Variants in CES5A observed in about 807,000 individuals in gnomAD.
CES5A encodes the protein carboxylesterase 5A.
In CES5A, 67 loss-of-function variants were observed where a neutral mutation model predicts 62.9. The ratio of observed to expected loss-of-function variants is 1.07; its 90% CI spans 0.88 to 1.31. The LOEUF (loss-of-function observed/expected upper bound fraction) is 1.31. Among genes scored for constraint, CES5A ranks in the 50% most tolerant of loss-of-function variants. The probability of loss-of-function intolerance (pLI) is 0.00; values close to 1 mark genes in which losing one functional copy is unlikely to be tolerated. For missense variants in CES5A, 748 were observed against 708.5 expected, an observed-to-expected ratio of 1.06 and a Z score of -0.63; for synonymous variants, 296 against 280.8, an observed-to-expected ratio of 1.05 and a Z score of -0.54.
At chr16:55,876,017 G>A (rs1194488232), upstream of CES5A, among the ~76,000 whole-genome samples, 7 of 152,074 alleles carry the variant, frequency 4.6e-5, no homozygotes, top group East Asian at 9.6e-4. Flanking sequence ...CACCTCTTCC[G>A]AGAACCTTCC....
intron 10 of CES5A, among the ~76,000 whole-genome samples, chr16:55,852,239 T>TA (rs2033147547): frequency 1.3e-5 from 2 of 152,204 alleles, no homozygotes; most frequent in African/African-American, 2.4e-5. Context: ...TTTTAAAATG[T>TA]AAAAAAGAGT....
rs142371266 is a variant in CES5A, at chr16:55,947,208, A to G, written c.160+2577T>C. On this transcript the variant is annotated intron_variant, in intron 2 of 13. Coordinates refer to the CES5A transcript ENST00000521992. ...AGTAATGTCACACCAGGTTGTTTGC[A>G]TCAAACAAATCACAATTTCAGCAAA... Among the ~76,000 whole-genome samples, 243 of 152,340 alleles carry G rather than the reference A, an allele frequency of 1.6e-3. 7 individuals are homozygous for G. In the East Asian group the frequency reaches 0.039, roughly 24 times the overall value.
In CES5A at chr16:55,866,680, AC is replaced by A. The variant is rs1260075709; in HGVS notation, c.552-565del. 4.4e-3 allele frequency among the ~76,000 whole-genome samples: 410 copies of A among 93,132 alleles called. 25 individuals are homozygous for A. Among genetic ancestry groups the A allele is most frequent in the Middle Eastern group, 0.03 (5 of 168 alleles). 61.1% of individuals were successfully genotyped at this position (93,132 alleles called of 152,430 possible). The stretch of plus-strand genomic sequence containing the variant: ...TGCTAAAAAAAAAAAAAAAAAAAAT[AC>A]AAAAAAATTAGCTGGACACGGTGGC... On this transcript the variant is annotated intron_variant, in intron 4 of 12. Coordinates refer to ENST00000290567, the MANE Select transcript of CES5A (RefSeq NM_001143685.2).
chr16:55,874,115 A>T (rs979050952), intron 1 of CES5A, 78 bp from the exon 2 acceptor site: 2 of 1,294,236 alleles, frequency 1.5e-6, no homozygotes, highest in African/African-American at 2.9e-5. Context: ...GGAGCTCCCC[A>T]GTGGGGATGT....
intron 2 of CES5A, among the ~76,000 whole-genome samples, chr16:55,934,338 T>G (rs2142472003): frequency 6.6e-6 from 1 of 152,340 alleles, no homozygotes; most frequent in Non-Finnish European, 1.5e-5. Context: ...TCAGTTAGTA[T>G]TTGTTGATTA....
chr16:55,948,150 A>G (rs1439723455), intron 2 of CES5A, among the ~76,000 whole-genome samples: 4 of 152,192 alleles, frequency 2.6e-5, no homozygotes, highest in Admixed American at 1.3e-4. Flanking sequence ...CGTGCCTGGG[A>G]TAAAGAGACA....
chr16:55,942,733 T>C (rs1246117586), intron 2 of CES5A, among the ~76,000 whole-genome samples: 2 of 152,242 alleles, frequency 1.3e-5, no homozygotes, highest in Non-Finnish European at 2.9e-5. Context: ...AGGATGCTCA[T>C]TGCAGTCTTA....
intron 1 of CES5A, among the ~76,000 whole-genome samples, chr16:55,890,126 G>A (rs960369164): frequency 3.9e-5 from 6 of 151,976 alleles, no homozygotes; most frequent in African/African-American, 1.5e-4. Context: ...AAGAAGGATG[G>A]ACTCCATATT....
chr16:55,851,131 A>G (rs1216602748), intron 10 of CES5A, among the ~76,000 whole-genome samples: 1 of 152,224 alleles, frequency 6.6e-6, no homozygotes, highest in African/African-American at 2.4e-5. Flanking sequence ...AAAAAAGTGA[A>G]TGAATTCTAT....
chr16:55,933,733 T>C (rs1462502876), intron 2 of CES5A, among the ~76,000 whole-genome samples: 2 of 152,174 alleles, frequency 1.3e-5, no homozygotes, highest in East Asian at 1.9e-4. Flanking sequence ...ACTACCCTGG[T>C]TCCAGCCACC....
rs2033000893 is a variant in CES5A at position 55,846,196 on chromosome 16, C to A, written c.*255G>T. The A allele has an allele frequency of 1.9e-6, 1 of 527,770 alleles. No homozygotes were observed. Among genetic ancestry groups the A allele is most frequent in the Non-Finnish European group, 3.4e-6 (1 of 297,708 alleles). The allele number at this position is 527,770 out of a possible 1,614,324, so 32.7% of individuals were successfully genotyped here. A position where few individuals can be genotyped will look rare whatever the true frequency, so the allele number is the denominator to read the frequency against. On this transcript the variant is annotated 3_prime_UTR_variant, in exon 13 of 13. Coordinates refer to ENST00000290567, the MANE Select transcript of CES5A (RefSeq NM_001143685.2). ...TTTTATTTCATATGAGTTACAAAAC[C>A]ATTATTATGACAACTAATAGGCCAG...
chr16:55,917,795 G>A (rs1359301520), intron 1 of CES5A, among the ~76,000 whole-genome samples: 1 of 152,144 alleles, frequency 6.6e-6, no homozygotes, highest in Non-Finnish European at 1.5e-5. Context: ...GCAGGACACA[G>A]GGGTCACTGA....
intron 1 of CES5A, among the ~76,000 whole-genome samples, chr16:55,917,388 G>A (rs1192089249): frequency 6.6e-6 from 1 of 152,210 alleles, no homozygotes; most frequent in African/African-American, 2.4e-5. Flanking sequence ...TCTAACTGAG[G>A]TTCTCTCATA....
chr16:55,955,596 T>G (rs880839), intron 1 of CES5A, among the ~76,000 whole-genome samples: 8,960 of 152,236 alleles, frequency 0.059, 874 homozygotes, highest in African/African-American at 0.2. Context: ...GAGATACCAG[T>G]ATGGCCTCTC....
intron 8 of CES5A, among the ~76,000 whole-genome samples, chr16:55,859,226 T>C (rs1357618682): frequency 1.3e-5 from 2 of 152,240 alleles, no homozygotes; most frequent in African/African-American, 2.4e-5. Context: ...AGCTCTGAAG[T>C]GGTAACTGCA....
rs142359461 is a variant in CES5A at position 55,891,857 on chromosome 16, G to A, written c.-255-17820C>T. Among the ~76,000 whole-genome samples the A allele has an allele frequency of 3.8e-3, 571 of 152,134 alleles. 4 individuals are homozygous for A. The highest frequency in any genetic ancestry group is 0.012 in the African/African-American group (495 of 41,492). On this transcript the variant is annotated intron_variant, in intron 1 of 12. Transcript: ENST00000518005. ...ACTTCCTTTCTAATCTGACTCTAGC[G>A]TAACATACGTGACAAAGAAGAAAAC...
intron 1 of CES5A, among the ~76,000 whole-genome samples, chr16:55,896,234 T>C (rs1277714669): frequency 2.6e-5 from 4 of 152,192 alleles, no homozygotes; most frequent in African/African-American, 9.7e-5. Flanking sequence ...ACTTGTTCAC[T>C]ATCATGAGAA....
chr16:55,933,389 T>C (rs2034334334), intron 2 of CES5A, among the ~76,000 whole-genome samples: 1 of 152,122 alleles, frequency 6.6e-6, no homozygotes, highest in Non-Finnish European at 1.5e-5. Context: ...GATGTAGGGA[T>C]TTGGGATAGT....
intron 6 of CES5A, among the ~76,000 whole-genome samples, chr16:55,862,222 T>A (rs1353178716): frequency 6.6e-6 from 1 of 152,126 alleles, no homozygotes; most frequent in Non-Finnish European, 1.5e-5. Context: ...AACCTCCATA[T>A]TTGTAGAACT....
Sources: gnomAD v4.1 joint callset for allele counts (sites outside exome capture counted in the v4.1 genomes callset) on GRCh38, gnomAD v4.1.1 for gene constraint, MANE v1.5 for transcripts, NCBI Gene and HGNC (gene_info 2026-07-23, HGNC 2026-07-21) for gene names.